Variants in PPP1R9A observed in about 807,000 individuals in gnomAD.
The protein encoded by PPP1R9A is protein phosphatase 1 regulatory subunit 9A.
PPP1R9A carries 59 observed loss-of-function variants against 141.9 expected under a neutral mutation model. That is an observed-to-expected ratio of 0.42 (90% CI 0.34 to 0.52). The LOEUF (loss-of-function observed/expected upper bound fraction) is 0.52. Ranked by LOEUF, PPP1R9A falls within the 20% of genes least tolerant of loss-of-function variation. The pLI is 0.10. For synonymous variants in PPP1R9A, 500 were observed against 569.7 expected, an observed-to-expected ratio of 0.88 and a Z score of 1.74; for missense variants, 1,444 against 1,611.9, an observed-to-expected ratio of 0.90 and a Z score of 1.78.
intron 12 of PPP1R9A, among the ~76,000 whole-genome samples, chr7:95,254,012 C>T (rs1385951880): frequency 6.6e-6 from 1 of 152,012 alleles, no homozygotes; most frequent in Non-Finnish European, 1.5e-5. Flanking sequence ...AGAAGATCAA[C>T]ACACTATACT....
intron 2 of PPP1R9A, among the ~76,000 whole-genome samples, chr7:94,919,561 TA>T (rs1792527713): frequency 6.6e-6 from 1 of 152,194 alleles, no homozygotes; most frequent in Non-Finnish European, 1.5e-5. Context: ...TGCTTATTTC[TA>T]TCCTACTTCT....
chr7:95,019,613 A>T (rs761657174), intron 2 of PPP1R9A, among the ~76,000 whole-genome samples: 17 of 152,208 alleles, frequency 1.1e-4, no homozygotes, highest in Non-Finnish European at 2.5e-4. Flanking sequence ...AATACTTGAT[A>T]AAAGAAAATA....
chr7:95,060,299 C>T (rs931631336), intron 2 of PPP1R9A, among the ~76,000 whole-genome samples: 6 of 152,184 alleles, frequency 3.9e-5, no homozygotes, highest in Non-Finnish European at 7.4e-5. Context: ...TGGACCTCTC[C>T]GACAGTGGAA....
chr7:95,269,193 T>G lies in PPP1R9A; in HGVS notation c.2824-14T>G. On this transcript the variant is annotated splice_polypyrimidine_tract_variant and intron_variant, in intron 13 of 19. Coordinates refer to ENST00000433360, the MANE Select transcript of PPP1R9A (RefSeq NM_001166160.2). ...CAGTGGCATAACCTTCCTTATAATC[T>G]CTTATACCAACAGCCATCAAACAGT... 6.6e-7 allele frequency: 1 copy of G among 1,509,682 alleles called. No individual in the cohort carries two copies. The highest frequency in any genetic ancestry group is 9.1e-7 in the Non-Finnish European group (1 of 1,104,296). The allele number at this position is 1,509,682 out of a possible 1,614,324, so 93.5% of individuals were successfully genotyped here.
intron 7 of PPP1R9A, among the ~76,000 whole-genome samples, chr7:95,215,816 GT>G (rs1186082292): frequency 6.6e-6 from 1 of 152,132 alleles, no homozygotes; most frequent in Non-Finnish European, 1.5e-5. Flanking sequence ...TTTTGATGGG[GT>G]TGTTTGTTTT....
In PPP1R9A at chr7:95,294,556, C is replaced by G. The variant is rs1806839216; in HGVS notation, c.*4253C>G. On this transcript the variant is annotated 3_prime_UTR_variant, in exon 20 of 20. Transcript: ENST00000433360. ...GAAATCCAAATGCGCTTCAGTGATT[C>G]ACTCCTGAAAAGCAGCCTGGGTATG... The G allele has an allele frequency of 6.6e-6, 1 of 152,174 alleles. No individual in the cohort carries two copies. The highest frequency in any genetic ancestry group is 6.5e-5 in the Admixed American group (1 of 15,274). 9.4% of individuals were successfully genotyped at this position (152,174 alleles called of 1,614,324 possible).
chr7:95,237,754 G>A (rs1796915798), intron 8 of PPP1R9A, among the ~76,000 whole-genome samples: 2 of 151,860 alleles, frequency 1.3e-5, no homozygotes, highest in Non-Finnish European at 2.9e-5. Flanking sequence ...CCTTTATGGT[G>A]CACTTTGTCC....
At chr7:94,934,585 A>G (rs999139943) in intron 2 of PPP1R9A, among the ~76,000 whole-genome samples, 4 of 152,000 alleles carry the variant, frequency 2.6e-5, no homozygotes, top group Admixed American at 2.6e-4. Context: ...TATAGTCAGA[A>G]ATTCACAGTA....
chr7:95,084,115 G>A lies in PPP1R9A; in HGVS notation c.1396-27144G>A, dbSNP rs9886297. On this transcript the variant is annotated intron_variant, in intron 2 of 19. Coordinates refer to ENST00000433360, the MANE Select transcript of PPP1R9A (RefSeq NM_001166160.2). ...CTTAGATAGCATGTATATGCCATAG[G>A]CATCAGTTTATTAAAATAGAAAAGA... is the stretch of plus-strand genomic sequence containing the variant. 7.5e-3 allele frequency among the ~76,000 whole-genome samples: 1,145 copies of A among 152,040 alleles called. 32 individuals are homozygous for A. The highest frequency in any genetic ancestry group is 0.026 in the African/African-American group (1,078 of 41,360).
At chr7:95,071,472 A>G (rs1163086081) in intron 2 of PPP1R9A, among the ~76,000 whole-genome samples, 1 of 151,960 alleles carries the variant, frequency 6.6e-6, no homozygotes, top group Non-Finnish European at 1.5e-5. Context: ...TACAATATCT[A>G]GTTGAAATTT....
At chr7:95,102,545 A>G (rs1818925624) in intron 2 of PPP1R9A, among the ~76,000 whole-genome samples, 1 of 152,258 alleles carries the variant, frequency 6.6e-6, no homozygotes, top group African/African-American at 2.4e-5. Context: ...AGCGTGTGGC[A>G]GCACAAGTTC....
At chr7:95,146,949 G>T (rs894650554) in intron 4 of PPP1R9A, among the ~76,000 whole-genome samples, 1 of 151,968 alleles carries the variant, frequency 6.6e-6, no homozygotes, top group Non-Finnish European at 1.5e-5. Context: ...CAGCTTTGTT[G>T]TTTTTGCTTA....
At chr7:95,105,628 G>GT (rs1246248291) in intron 2 of PPP1R9A, among the ~76,000 whole-genome samples, 6 of 152,148 alleles carry the variant, frequency 3.9e-5, no homozygotes, top group African/African-American at 9.7e-5. Context: ...GGCCTTTAGA[G>GT]TTTTTTGTGT....
chr7:95,058,962 G>A (rs1811855369), intron 2 of PPP1R9A, among the ~76,000 whole-genome samples: 1 of 151,936 alleles, frequency 6.6e-6, no homozygotes, highest in African/African-American at 2.4e-5. Flanking sequence ...GCTAATTTTT[G>A]TATTTTTAGT....
At chr7:95,040,723 C>T (rs532477721) in intron 2 of PPP1R9A, among the ~76,000 whole-genome samples, 5 of 152,254 alleles carry the variant, frequency 3.3e-5, no homozygotes, top group African/African-American at 1.2e-4. Flanking sequence ...TTTCACTAGG[C>T]ACTTTTCATT....
At chr7:95,091,034 C>T (rs986858936) in intron 2 of PPP1R9A, among the ~76,000 whole-genome samples, 6 of 151,922 alleles carry the variant, frequency 3.9e-5, no homozygotes, top group Non-Finnish European at 8.8e-5. Context: ...CAATGTACCA[C>T]TTCTTTAACC....
At chr7:94,921,953 A>C (rs1032171307) in intron 2 of PPP1R9A, among the ~76,000 whole-genome samples, 1 of 152,078 alleles carries the variant, frequency 6.6e-6, no homozygotes, top group Non-Finnish European at 1.5e-5. Flanking sequence ...CAACAGAGCA[A>C]GACCCTGTTT....
chr7:94,949,409 G>T (rs767456426), intron 2 of PPP1R9A, among the ~76,000 whole-genome samples: 5 of 152,104 alleles, frequency 3.3e-5, no homozygotes, highest in Admixed American at 3.3e-4. Context: ...TGTCTTGCTG[G>T]TCTGACATTG....
At chr7:95,218,727 C>A (rs1793913352) in intron 7 of PPP1R9A, among the ~76,000 whole-genome samples, 1 of 152,130 alleles carries the variant, frequency 6.6e-6, no homozygotes, top group East Asian at 1.9e-4. Context: ...ATGTAATGGC[C>A]TTCTTTGTCT....
Sources: allele counts gnomAD v4.1 joint callset (sites outside exome capture counted in the v4.1 genomes callset), GRCh38; gene constraint gnomAD v4.1.1; transcripts MANE v1.5; gene names NCBI Gene and HGNC (gene_info 2026-07-23, HGNC 2026-07-21).